The following TMC1 variants were observed in gnomAD, a reference collection of about 807,000 sequenced individuals.
TMC1 encodes transmembrane channel-like protein 1.
In TMC1, 84 loss-of-function variants were observed where a neutral mutation model predicts 105.8. The observed-to-expected ratio is 0.79, with a 90% CI of 0.67 to 0.95. TMC1 has a LOEUF of 0.95. Ranked by LOEUF, TMC1 falls within the 40% of genes least tolerant of loss-of-function variation. The pLI is 0.00. For synonymous variants in TMC1, 315 were observed against 311.5 expected (o/e 1.01, Z -0.12); for missense variants, 817 against 914.1 (o/e 0.89, Z 1.37).
chr9:72,810,235 A>G (rs745327124), intron 18 of TMC1, among the ~76,000 whole-genome samples: 3 of 152,128 alleles, frequency 2.0e-5, no homozygotes, highest in Non-Finnish European at 2.9e-5. Flanking sequence ...CTAATCAATA[A>G]TATGGTTTCA....
chr9:72,735,357 G>GA (rs1827280120), intron 8 of TMC1, among the ~76,000 whole-genome samples: 1 of 152,164 alleles, frequency 6.6e-6, no homozygotes, highest in Admixed American at 6.5e-5. Context: ...TAACCATGTA[G>GA]AAAAATCTCT....
At chr9:72,625,791 A>G (rs1387487514) in intron 3 of TMC1, among the ~76,000 whole-genome samples, 1 of 152,020 alleles carries the variant, frequency 6.6e-6, no homozygotes, top group Non-Finnish European at 1.5e-5. Flanking sequence ...TATAGGTGGC[A>G]TAGTGACCTT....
chr9:72,588,924 C>T (rs901773292), intron 2 of TMC1, among the ~76,000 whole-genome samples: 6 of 151,960 alleles, frequency 3.9e-5, no homozygotes, highest in Admixed American at 6.6e-5. Context: ...TACAGGCATG[C>T]GCCACCCAGT....
At chr9:72,678,919 T>C (rs180920893) in intron 5 of TMC1, among the ~76,000 whole-genome samples, 323 of 152,256 alleles carry the variant, frequency 2.1e-3, no homozygotes, top group Middle Eastern at 0.017. Flanking sequence ...CTTTAGTGTC[T>C]ATGCCAAGCA....
At chr9:72,692,992 C>T (rs1478446981) in intron 6 of TMC1, among the ~76,000 whole-genome samples, 1 of 151,874 alleles carries the variant, frequency 6.6e-6, no homozygotes, top group African/African-American at 2.4e-5. Flanking sequence ...TGATGGCGCA[C>T]ACCTGTATTC....
At chr9:72,782,413 C>T (rs1828107804) in intron 13 of TMC1, among the ~76,000 whole-genome samples, 3 of 152,118 alleles carry the variant, frequency 2.0e-5, no homozygotes, top group Admixed American at 2.0e-4. Context: ...ACAAGGATAC[C>T]CACCCTCACT....
intron 7 of TMC1, among the ~76,000 whole-genome samples, chr9:72,699,632 T>C (rs1826608091): frequency 6.6e-6 from 1 of 152,170 alleles, no homozygotes; most frequent in Non-Finnish European, 1.5e-5. Context: ...ACAGATTTTC[T>C]GGTTCAGAGA....
chr9:72,530,340 AT>A (rs1249352404), intron 1 of TMC1, among the ~76,000 whole-genome samples: 1 of 151,160 alleles, frequency 6.6e-6, no homozygotes, highest in Non-Finnish European at 1.5e-5. Flanking sequence ...CACCTGGCTA[AT>A]TTTTTTTTAT....
At chr9:72,726,500 G>C (rs1827127788) in intron 8 of TMC1, among the ~76,000 whole-genome samples, 3 of 152,178 alleles carry the variant, frequency 2.0e-5, no homozygotes, top group Admixed American at 2.0e-4. Context: ...AGAAAGGCCA[G>C]TTCACATAGG....
intron 10 of TMC1, among the ~76,000 whole-genome samples, 174 bp from the exon 11 acceptor site, chr9:72,751,676 G>A (rs979839224): frequency 6.6e-6 from 1 of 152,154 alleles, no homozygotes; most frequent in Non-Finnish European, 1.5e-5. Context: ...CTTCCATCAT[G>A]ATTAACATTT....
chr9:72,530,948 G>A (rs1823489740), intron 1 of TMC1, among the ~76,000 whole-genome samples: 1 of 151,330 alleles, frequency 6.6e-6, no homozygotes, highest in Admixed American at 6.6e-5. Context: ...AGCCTCTCAA[G>A]TAGCTGGGAC....
At chr9:72,592,349 G>C (rs983414669) in intron 2 of TMC1, among the ~76,000 whole-genome samples, 2 of 152,142 alleles carry the variant, frequency 1.3e-5, no homozygotes, top group African/African-American at 4.8e-5. Context: ...TATAAACTTG[G>C]GGATCATTAA....
chr9:72,796,610 A>G (rs1478463480), intron 17 of TMC1, among the ~76,000 whole-genome samples: 1 of 152,206 alleles, frequency 6.6e-6, no homozygotes, highest in African/African-American at 2.4e-5. Context: ...AAAAAGAAAT[A>G]AAGAGAAAAA....
chr9:72,802,601 G>T (rs1440537716), intron 17 of TMC1, among the ~76,000 whole-genome samples: 1 of 152,080 alleles, frequency 6.6e-6, no homozygotes, highest in African/African-American at 2.4e-5. Flanking sequence ...GTAAATAATG[G>T]AATGAAGGCA....
chr9:72,692,002 C>G (rs570290348), intron 6 of TMC1, among the ~76,000 whole-genome samples: 5 of 152,250 alleles, frequency 3.3e-5, no homozygotes, highest in African/African-American at 1.2e-4. Flanking sequence ...CCAGTCCAGT[C>G]ATTTTTTAGA....
In TMC1 at chr9:72,694,714, C is replaced by A. The variant is rs140482278; in HGVS notation, c.236C>A (p.Ala79Glu). 2 of 1,605,154 alleles carry A rather than the reference C, an allele frequency of 1.2e-6. No individual in the cohort carries two copies. Among genetic ancestry groups the A allele is most frequent in the Admixed American group, 1.7e-5 (1 of 59,008 alleles). ...KERRRRLKRG[A>E]EEEEIDEEEL... ...AGGAGGAGGAGGCTAAAGAGAGGAG[C>A]GTAAGTTAGTTCTGATATTCTTTCA... is the stretch of plus-strand genomic sequence containing the variant. Residue 79 changes from alanine to glutamate, a missense_variant and splice_region_variant, in exon 7 of 24, where the codon GCA becomes GAA. Transcript: ENST00000297784.
At position 72,757,510 on chromosome 9, in the gene TMC1, T is replaced by G. The variant is rs1430511541; in HGVS notation, c.741+2626T>G. On this transcript the variant is annotated intron_variant, in intron 12 of 23. Coordinates refer to ENST00000297784, the MANE Select transcript of TMC1 (RefSeq NM_138691.3). ...GAAGTGTTTCATATTTCAAATTTTTTCAGATTTTGGCATATTTCCGTATAC... is the reference window on the plus strand; with the variant it reads ...GAAGTGTTTCATATTTCAAATTTTTGCAGATTTTGGCATATTTCCGTATAC... Among the ~76,000 whole-genome samples the G allele has an allele frequency of 6.6e-5, 10 of 152,342 alleles. No individual in the cohort carries two copies. The East Asian group carries it at 1.9e-3, about 29-fold the overall frequency.
chr9:72,734,362 A>G (rs1035777230), intron 8 of TMC1, among the ~76,000 whole-genome samples: 1 of 152,224 alleles, frequency 6.6e-6, no homozygotes, highest in African/African-American at 2.4e-5. Context: ...AATGGATGTG[A>G]CAATCCTACA....
chr9:72,651,004 C>T lies in TMC1; in HGVS notation c.16+2340C>T, dbSNP rs1007917981. On this transcript the variant is annotated intron_variant, in intron 5 of 23. Transcript: ENST00000297784. ...TCCTCTAGCTCCATCCATGTTCCCACATAAGACATAATCTCGTTCTTGTTT... is the reference window on the plus strand; with the variant it reads ...TCCTCTAGCTCCATCCATGTTCCCATATAAGACATAATCTCGTTCTTGTTT... Among the ~76,000 whole-genome samples the T allele has an allele frequency of 4.8e-5, 7 of 145,808 alleles. No homozygotes were observed. In the South Asian group the frequency reaches 1.5e-3, roughly 31 times the overall value.
Sources: gnomAD v4.1 joint callset for allele counts (sites outside exome capture counted in the v4.1 genomes callset) on GRCh38, gnomAD v4.1.1 for gene constraint, MANE v1.5 for transcripts, NCBI Gene and HGNC (gene_info 2026-07-23, HGNC 2026-07-21) for gene names.